Variants in RBFOX1 observed in about 807,000 individuals in gnomAD.
The protein encoded by RBFOX1 is RNA binding protein fox-1 homolog 1.
RBFOX1 carries 8 observed loss-of-function variants against 57.7 expected under a neutral mutation model. The ratio of observed to expected loss-of-function variants is 0.14; its 90% CI spans 0.08 to 0.25. RBFOX1 has a LOEUF of 0.25. Ranked by LOEUF, RBFOX1 falls within the 10% of genes least tolerant of loss-of-function variation. The pLI, the probability that RBFOX1 is intolerant of heterozygous loss-of-function variation, is 1.00. For missense variants in RBFOX1, 611 were observed against 548.5 expected (o/e 1.11, Z -1.14); for synonymous variants, 326 against 222.4 (o/e 1.47, Z -4.15).
At chr16:5,847,081 G>A (rs559423402) in intron 3 of RBFOX1, among the ~76,000 whole-genome samples, 17 of 152,294 alleles carry the variant, frequency 1.1e-4, no homozygotes, top group Admixed American at 9.8e-4. Flanking sequence ...GCAGGGAATA[G>A]GGAATTCCGA....
intron 2 of RBFOX1, among the ~76,000 whole-genome samples, chr16:6,556,345 C>G (rs901529405): frequency 2.0e-5 from 3 of 152,266 alleles, no homozygotes; most frequent in Non-Finnish European, 4.4e-5. Flanking sequence ...TTTGGAATTA[C>G]CAGATGTTGT....
intron 2 of RBFOX1, among the ~76,000 whole-genome samples, chr16:5,585,638 C>A (rs1332391218): frequency 3.9e-5 from 6 of 152,210 alleles, no homozygotes; most frequent in African/African-American, 1.4e-4. Context: ...TGACAAGGCC[C>A]CTTATAGATA....
intron 13 of RBFOX1, among the ~76,000 whole-genome samples, chr16:7,672,877 A>AAAAAAAAAAAAAAAAAAAAAAAAAAAC (rs1391445079): frequency 6.7e-6 from 1 of 149,676 alleles, no homozygotes; most frequent in African/African-American, 2.5e-5. Context: ...AAAAAAAAAA[A>AAAAAAAAAAAAAAAAAAAAAAAAAAAC]AAAAAAAAAA....
intron 3 of RBFOX1, among the ~76,000 whole-genome samples, chr16:5,810,175 T>C (rs945399977): frequency 8.0e-5 from 10 of 124,660 alleles, no homozygotes; most frequent in Non-Finnish European, 1.2e-4. Flanking sequence ...GGGACTGTTA[T>C]AGGGTTGGGG....
At chr16:5,458,071 A>G (rs1450061433) in intron 1 of RBFOX1, among the ~76,000 whole-genome samples, 1 of 152,208 alleles carries the variant, frequency 6.6e-6, no homozygotes, top group Admixed American at 6.5e-5. Flanking sequence ...ACAGAATAGG[A>G]GATCATTTGT....
At chr16:6,063,829 C>T (rs1352800841) in intron 1 of RBFOX1, among the ~76,000 whole-genome samples, 2 of 152,134 alleles carry the variant, frequency 1.3e-5, no homozygotes, top group African/African-American at 2.4e-5. Flanking sequence ...GATGTAGATG[C>T]TTGACAGCCT....
At chr16:5,740,419 C>G (rs559506457) in intron 3 of RBFOX1, among the ~76,000 whole-genome samples, 9 of 152,332 alleles carry the variant, frequency 5.9e-5, no homozygotes, top group Non-Finnish European at 1.3e-4. Flanking sequence ...CGTATGAAGA[C>G]TTGCATATTG....
intron 1 of RBFOX1, among the ~76,000 whole-genome samples, chr16:6,268,848 T>C (rs1206322202): frequency 6.6e-6 from 1 of 152,168 alleles, no homozygotes; most frequent in Non-Finnish European, 1.5e-5. Flanking sequence ...ACAAAATGCC[T>C]AAACAGAAGT....
At chr16:6,940,579 A>G (rs1001049917) in intron 3 of RBFOX1, among the ~76,000 whole-genome samples, 15 of 152,216 alleles carry the variant, frequency 9.9e-5, no homozygotes, top group African/African-American at 2.9e-4. Flanking sequence ...AAAATTGGGT[A>G]TTCAGGGGTC....
chr16:6,849,839 G>A (rs748529682), intron 3 of RBFOX1, among the ~76,000 whole-genome samples: 20 of 151,846 alleles, frequency 1.3e-4, no homozygotes, highest in East Asian at 7.7e-4. Flanking sequence ...TTCTTTGTCC[G>A]TTGTGCCTTA....
chr16:5,941,673 C>T (rs569198194), intron 4 of RBFOX1, among the ~76,000 whole-genome samples: 1 of 152,020 alleles, frequency 6.6e-6, no homozygotes, highest in African/African-American at 2.4e-5. Context: ...CTGGGGCATC[C>T]CACTTAGTCA....
At chr16:6,246,850 C>T (rs996839342) in intron 1 of RBFOX1, among the ~76,000 whole-genome samples, 2 of 152,248 alleles carry the variant, frequency 1.3e-5, no homozygotes, top group East Asian at 1.9e-4. Context: ...GGGCGGATCA[C>T]CTGAGGTCAG....
intron 4 of RBFOX1, among the ~76,000 whole-genome samples, chr16:5,974,221 T>C (rs545876963): frequency 6.6e-6 from 1 of 152,328 alleles, no homozygotes; most frequent in Admixed American, 6.5e-5. Flanking sequence ...GCTTCAGCTG[T>C]TCCTGTTGCA....
In RBFOX1 at chr16:6,961,991, C is replaced by A. The variant is rs547898249; in HGVS notation, c.-15-90066C>A. Reference sequence around the variant, plus strand: ...AAGAATGTCTAACCTCATGGGAATACAGCTCAGTAGCTCTCAGCCTCATTT... The same window carrying A: ...AAGAATGTCTAACCTCATGGGAATAAAGCTCAGTAGCTCTCAGCCTCATTT... On this transcript the variant is annotated intron_variant, in intron 3 of 15. Transcript: ENST00000550418. 2.0e-5 allele frequency among the ~76,000 whole-genome samples: 3 copies of A among 152,230 alleles called. No homozygotes were observed. In the South Asian group the frequency reaches 6.2e-4, roughly 32 times the overall value.
intron 4 of RBFOX1, among the ~76,000 whole-genome samples, chr16:7,059,040 C>G (rs1179822440): frequency 2.0e-5 from 3 of 152,190 alleles, no homozygotes; most frequent in Admixed American, 1.3e-4. Context: ...GCGAGTTTCT[C>G]ATTTCTGCTA....
chr16:5,462,189 G>C (rs970883785), intron 1 of RBFOX1, among the ~76,000 whole-genome samples: 4 of 113,464 alleles, frequency 3.5e-5, no homozygotes, highest in African/African-American at 1.5e-4. Flanking sequence ...TTTTTTTTGA[G>C]ATGGAGTCTC....
intron 3 of RBFOX1, among the ~76,000 whole-genome samples, chr16:5,611,705 C>CCCATCCGTCCATCTATCCAT (rs772335203): frequency 0.35 from 33,789 of 97,670 alleles, 6,562 homozygotes; most frequent in Non-Finnish European, 0.44. Context: ...CACCCACTCT[C>CCCATCCGTCCATCTATCCAT]CCATCCATCC....
intron 3 of RBFOX1, among the ~76,000 whole-genome samples, chr16:6,755,014 T>C (rs1291987215): frequency 1.3e-5 from 2 of 152,218 alleles, no homozygotes; most frequent in African/African-American, 2.4e-5. Context: ...TTCATCCATG[T>C]CCCTACAAAG....
intron 3 of RBFOX1, among the ~76,000 whole-genome samples, chr16:5,676,008 C>G (rs1251104860): frequency 6.6e-6 from 1 of 152,100 alleles, no homozygotes; most frequent in African/African-American, 2.4e-5. Flanking sequence ...ATCGCATGTT[C>G]TCAGTCATAA....
Sources: gnomAD v4.1 joint callset for allele counts (sites outside exome capture counted in the v4.1 genomes callset) on GRCh38, gnomAD v4.1.1 for gene constraint, MANE v1.5 for transcripts, NCBI Gene and HGNC (gene_info 2026-07-23, HGNC 2026-07-21) for gene names.